Variants in NUBP1 observed in about 807,000 individuals in gnomAD.
NUBP1 encodes the protein cytosolic Fe-S cluster assembly factor NUBP1.
In NUBP1, 46 loss-of-function variants were observed where a neutral mutation model predicts 41.8. The ratio of observed to expected loss-of-function variants is 1.10; its 90% CI spans 0.87 to 1.41. The LOEUF (loss-of-function observed/expected upper bound fraction) is 1.41. NUBP1 is among the 40% of genes most tolerant of loss of function. The pLI is 0.00. For synonymous variants in NUBP1, 189 were observed against 154.6 expected (o/e 1.22, Z -1.65); for missense variants, 494 against 414.0 (o/e 1.19, Z -1.68).
intron 4 of NUBP1, among the ~76,000 whole-genome samples, chr16:10,752,881 C>T (rs946695922): frequency 2.0e-5 from 3 of 152,174 alleles, no homozygotes; most frequent in Non-Finnish European, 4.4e-5. Context: ...CTGCAACCTC[C>T]ACCTCCTGGG....
intron 3 of NUBP1, among the ~76,000 whole-genome samples, chr16:10,748,272 A>G (rs750007655): frequency 6.6e-6 from 1 of 152,160 alleles, no homozygotes; most frequent in Non-Finnish European, 1.5e-5. Flanking sequence ...TTTTTAAATT[A>G]GTACCTAAGT....
rs1273387808 is a variant in NUBP1 at position 10,757,188 on chromosome 16, C to G, written c.451+408C>G. On this transcript the variant is annotated intron_variant, in intron 6 of 10. Coordinates refer to ENST00000283027, the MANE Select transcript of NUBP1 (RefSeq NM_002484.4). The surrounding 1 kb of genome is among the most constrained non-coding windows in gnomAD (Gnocchi z 4.1). ...TGGTGGCACGTACCTGTAATCCCAG[C>G]TACTCGAGAGGCTGAGGCAGGAGAA... 6.6e-6 allele frequency among the ~76,000 whole-genome samples: 1 copy of G among 152,060 alleles called. No individual in the cohort carries two copies. Among genetic ancestry groups the G allele is most frequent in the Non-Finnish European group, 1.5e-5 (1 of 68,014 alleles).
In NUBP1 at chr16:10,759,779, AAAAGAAAG is replaced by A. The variant is rs942879545; in HGVS notation, c.607-1577_607-1570del. On this transcript the variant is annotated intron_variant, in intron 7 of 10. Transcript: ENST00000283027. This position sits in a 1 kb window ranked among gnomAD's most constrained non-coding sequence, Gnocchi z 4.7. ...CGACAGAGCAAGACTCTGTCTCAAA[AAAAGAAAG>A]AAAGAAATGAGAGACTGAGTCGCAG... is the stretch of plus-strand genomic sequence containing the variant. Among the ~76,000 whole-genome samples, 1 of 152,202 alleles carries A rather than the reference AAAAGAAAG, an allele frequency of 6.6e-6. No individual in the cohort carries two copies. Among genetic ancestry groups the A allele is most frequent in the Non-Finnish European group, 1.5e-5 (1 of 68,052 alleles).
intron 4 of NUBP1, among the ~76,000 whole-genome samples, chr16:10,754,305 C>A (rs534111639): frequency 6.6e-6 from 1 of 151,930 alleles, no homozygotes; most frequent in Non-Finnish European, 1.5e-5. Context: ...TGCAGTGTCG[C>A]GATCTCGGCT....
rs533208449 is a variant in NUBP1, at chr16:10,765,327, TAAAAAAAA to T, written c.821-2607_821-2600del. The stretch of plus-strand genomic sequence containing the variant: ...TAACACAGGAAGATACCTCATCTCT[TAAAAAAAA>T]AAAAAAAAAAAAAAGGAAAAAATTC... On this transcript the variant is annotated intron_variant, in intron 9 of 10. Coordinates refer to ENST00000283027, the MANE Select transcript of NUBP1 (RefSeq NM_002484.4). This position sits in a 1 kb window ranked among gnomAD's most constrained non-coding sequence, Gnocchi z 4.0. 4.5e-5 allele frequency among the ~76,000 whole-genome samples: 5 copies of T among 111,270 alleles called. No homozygotes were observed. The highest frequency in any genetic ancestry group is 8.8e-5 in the Non-Finnish European group (5 of 56,644). 73.0% of individuals were successfully genotyped at this position (111,270 alleles called of 152,430 possible).
chr16:10,758,109 G>C (rs1281015963), intron 7 of NUBP1, 82 bp downstream of exon 7: 2 of 1,501,936 alleles, frequency 1.3e-6, no homozygotes, highest in Non-Finnish European at 1.8e-6. Flanking sequence ...CTGATACTCT[G>C]GTCTCACCAA....
At chr16:10,761,720 A>G in intron 8 of NUBP1, 37 bp from the exon 9 acceptor site, 1 of 1,557,824 alleles carries the variant, frequency 6.4e-7, no homozygotes, top group Admixed American at 1.8e-5. Context: ...ATTCTGCAAA[A>G]AAATTATGTT....
intron 7 of NUBP1, among the ~76,000 whole-genome samples, chr16:10,758,787 G>T (rs544439806): frequency 6.6e-6 from 1 of 152,120 alleles, no homozygotes; most frequent in African/African-American, 2.4e-5. Flanking sequence ...TAGGGATTTC[G>T]GGATAAGCCA....
rs979780484 is a variant in NUBP1 at position 10,749,068 on chromosome 16, G to T, written c.258+1792G>T. 1.3e-4 allele frequency among the ~76,000 whole-genome samples: 19 copies of T among 151,424 alleles called. No individual in the cohort carries two copies. Among genetic ancestry groups the T allele is most frequent in the African/African-American group, 4.1e-4 (17 of 41,072 alleles). The stretch of plus-strand genomic sequence containing the variant: ...ATTGCCCTACTGCACTCCAGCCTGG[G>T]TGACAGACAAGACTCCATTTAAAAA... On this transcript the variant is annotated intron_variant, in intron 3 of 10. Transcript: ENST00000283027. This position sits in a 1 kb window ranked among gnomAD's most constrained non-coding sequence, Gnocchi z 4.1.
rs545428789 is a variant in NUBP1, at chr16:10,759,730, C to T, written c.607-1634C>T. Among the ~76,000 whole-genome samples the T allele has an allele frequency of 6.6e-5, 10 of 152,204 alleles. No individual in the cohort carries two copies. The East Asian group carries it at 1.4e-3, about 21-fold the overall frequency. ...GACAGAGGTTGCAGTGAGCCGAGAT[C>T]GCGCCACTGCACTCCAGCCTGGGCG... On this transcript the variant is annotated intron_variant, in intron 7 of 10. Transcript: ENST00000283027. This position sits in a 1 kb window ranked among gnomAD's most constrained non-coding sequence, Gnocchi z 4.7.
At position 10,747,042 on chromosome 16, in the gene NUBP1, T is replaced by TA. The variant is rs1900093681; in HGVS notation, c.125-100dup. ...GGATCGTTTTAAACAGCCCCAGGAC[T>TA]AGTACTAGGACTAGGACTTAGCTCT... is the stretch of plus-strand genomic sequence containing the variant. On this transcript the variant is annotated intron_variant, in intron 2 of 10. Transcript: ENST00000283027. 4 of 1,372,034 alleles carry TA rather than the reference T, an allele frequency of 2.9e-6. No homozygotes were observed. In the South Asian group the frequency reaches 5.3e-5, roughly 18 times the overall value. 85.0% of individuals were successfully genotyped at this position (1,372,034 alleles called of 1,614,324 possible).
intron 9 of NUBP1, among the ~76,000 whole-genome samples, chr16:10,763,347 T>C (rs1376340953): frequency 2.0e-5 from 3 of 149,348 alleles, no homozygotes; most frequent in Non-Finnish European, 4.5e-5. Context: ...CTCGAGGAAG[T>C]GGTAGGGGGG....
In NUBP1 at chr16:10,769,168, G is replaced by C; in HGVS notation, c.*63G>C. ...AGGCACTCACTGGGCAGCACATCCA[G>C]CCAGACCCGACCAGCTCCGGGATGG... On this transcript the variant is annotated 3_prime_UTR_variant, in exon 11 of 11. Coordinates refer to ENST00000283027, the MANE Select transcript of NUBP1 (RefSeq NM_002484.4). 6.6e-7 allele frequency: 1 copy of C among 1,512,156 alleles called. No individual in the cohort carries two copies. The highest frequency in any genetic ancestry group is 9.2e-7 in the Non-Finnish European group (1 of 1,088,910). 93.7% of individuals were successfully genotyped at this position (1,512,156 alleles called of 1,614,324 possible).
Position 10,743,989 on chromosome 16 carries a change from G to C in NUBP1, c.48G>C (p.Ala16=), listed in dbSNP as rs377524198. Reference sequence around the variant, plus strand: ...GTCCAGGGGCCGACAGCGCCCAGGCGGGCAGAGGGGCTTCATGTCAGGGAT... The same window carrying C: ...GTCCAGGGGCCGACAGCGCCCAGGCCGGCAGAGGGGCTTCATGTCAGGGAT... ...HDCPGADSAQ[A]GRGASCQGCP... Residue 16 remains alanine, a synonymous_variant, in exon 2 of 11, where the codon GCG becomes GCC. Transcript: ENST00000283027. The C allele has an allele frequency of 1.9e-6, 3 of 1,580,996 alleles. No homozygotes were observed. The highest frequency in any genetic ancestry group is 2.6e-6 in the Non-Finnish European group (3 of 1,169,506).
Position 10,752,647 on chromosome 16 carries a change from T to A in NUBP1, c.296T>A (p.Ile99Asn), listed in dbSNP as rs1415623478. Reference protein sequence around the residue: ...LLDIDICGPSIPKIMGLEGEQ... With the variant: ...LLDIDICGPSNPKIMGLEGEQ... ...GACATCGATATATGTGGGCCATCGATTCCCAAGATAATGGGATTGGAAGGA... is the reference window on the plus strand; with the variant it reads ...GACATCGATATATGTGGGCCATCGAATCCCAAGATAATGGGATTGGAAGGA... Residue 99 changes from isoleucine to asparagine, a missense_variant, in exon 4 of 11, where the codon ATT (isoleucine) becomes AAT (asparagine). Coordinates refer to ENST00000283027, the MANE Select transcript of NUBP1 (RefSeq NM_002484.4). 6.2e-7 allele frequency: 1 copy of A among 1,613,874 alleles called. No individual in the cohort carries two copies. The highest frequency in any genetic ancestry group is 1.7e-5 in the Admixed American group (1 of 60,016).
chr16:10,754,292 G>C (rs1900455714), intron 4 of NUBP1, among the ~76,000 whole-genome samples: 1 of 151,798 alleles, frequency 6.6e-6, no homozygotes, highest in African/African-American at 2.4e-5. Flanking sequence ...GCCCAGGCTG[G>C]AGTGCAGTGT....
intron 3 of NUBP1, among the ~76,000 whole-genome samples, chr16:10,748,927 T>TA (rs1469717457): frequency 6.6e-6 from 1 of 151,636 alleles, no homozygotes; most frequent in Non-Finnish European, 1.5e-5. Context: ...CTGTCTCCAC[T>TA]AAAAAATACA....
chr16:10,749,967 T>C lies in NUBP1; in HGVS notation c.259-2643T>C, dbSNP rs528175846. On this transcript the variant is annotated intron_variant, in intron 3 of 10. Transcript: ENST00000283027. This position sits in a 1 kb window ranked among gnomAD's most constrained non-coding sequence, Gnocchi z 4.1. ...AGACAGCCAAGAGTCATACACTGTC[T>C]TCCACTGCAAAAGTCACCGACTCCC... 2.0e-4 allele frequency among the ~76,000 whole-genome samples: 30 copies of C among 152,320 alleles called. No homozygotes were observed. Among genetic ancestry groups the C allele is most frequent in the South Asian group, 1.7e-3 (8 of 4,818 alleles).
chr16:10,769,031 T>A lies in NUBP1; in HGVS notation c.905-16T>A. 2 of 1,613,654 alleles carry A rather than the reference T, an allele frequency of 1.2e-6. No homozygotes were observed. Among genetic ancestry groups the A allele is most frequent in the Non-Finnish European group, 1.7e-6 (2 of 1,179,562 alleles). ...ACAAGCCATTAGCACTCTATGCCTG[T>A]CGTCTTGTTTTCCAGGAATCCAAGA... On this transcript the variant is annotated splice_polypyrimidine_tract_variant and intron_variant, in intron 10 of 10. Coordinates refer to ENST00000283027, the MANE Select transcript of NUBP1 (RefSeq NM_002484.4).
Sources: gnomAD v4.1 joint callset for allele counts (sites outside exome capture counted in the v4.1 genomes callset) on GRCh38, gnomAD v4.1.1 for gene constraint, Gnocchi (gnomAD v3.1) non-coding constraint, MANE v1.5 for transcripts, NCBI Gene and HGNC (gene_info 2026-07-23, HGNC 2026-07-21) for gene names.